The following NUP210L variants were observed in gnomAD, a reference collection of about 807,000 sequenced individuals.
NUP210L encodes the protein nuclear pore membrane glycoprotein 210-like.
In NUP210L, 74 loss-of-function variants were observed where a neutral mutation model predicts 208.5. That is an observed-to-expected ratio of 0.35 (90% CI 0.29 to 0.43). NUP210L has a LOEUF of 0.43. Among genes scored for constraint, NUP210L ranks in the 20% least tolerant of loss-of-function variants. The pLI is 1.00. For missense variants in NUP210L, 1,843 were observed against 2,289.4 expected, an observed-to-expected ratio of 0.81 and a Z score of 3.98; for synonymous variants, 780 against 816.9, an observed-to-expected ratio of 0.95 and a Z score of 0.77.
intron 25 of NUP210L, among the ~76,000 whole-genome samples, chr1:154,049,818 C>G (rs1653387199): frequency 6.6e-6 from 1 of 152,156 alleles, no homozygotes. Flanking sequence ...TCTTTACTAT[C>G]CCCTTAGCTT....
chr1:153,992,977 T>C, intron 39 of NUP210L, 38 bp downstream of exon 39: 1 of 1,608,884 alleles, frequency 6.2e-7, no homozygotes, highest in Non-Finnish European at 8.5e-7. Context: ...AACGTGTGTA[T>C]CTGAGCTTTT....
intron 16 of NUP210L, among the ~76,000 whole-genome samples, chr1:154,085,127 C>T (rs1655553518): frequency 6.8e-6 from 1 of 146,602 alleles, no homozygotes; most frequent in Admixed American, 6.7e-5. Context: ...GTGGGTGAAT[C>T]ATGAGATCAG....
chr1:154,140,043 A>G (rs1658759945), intron 4 of NUP210L, 91 bp from the exon 5 acceptor site: 1 of 1,002,458 alleles, frequency 1.0e-6, no homozygotes, highest in East Asian at 2.4e-5. Context: ...AGTTTCTTCA[A>G]TGTCTATAGA....
chr1:154,131,250 C>CTGG (rs1001508620), intron 7 of NUP210L, among the ~76,000 whole-genome samples: 2 of 140,464 alleles, frequency 1.4e-5, no homozygotes, highest in Admixed American at 1.5e-4. Context: ...CCAGCCCGGG[C>CTGG]AACAGAGCGA....
At chr1:154,113,819 C>T (rs1278878052) in intron 12 of NUP210L, among the ~76,000 whole-genome samples, 3 of 133,714 alleles carry the variant, frequency 2.2e-5, no homozygotes, top group Non-Finnish European at 3.1e-5. Context: ...GATCTGGCCA[C>T]GGCACTCCAG....
At chr1:154,114,630 G>C (rs1431183803) in intron 12 of NUP210L, among the ~76,000 whole-genome samples, 1 of 151,968 alleles carries the variant, frequency 6.6e-6, no homozygotes, top group Non-Finnish European at 1.5e-5. Context: ...TTTAAAGACA[G>C]GGTCTCACTC....
chr1:153,993,987 C>A (rs1649663554), intron 38 of NUP210L, among the ~76,000 whole-genome samples: 1 of 152,144 alleles, frequency 6.6e-6, no homozygotes, highest in South Asian at 2.1e-4. Flanking sequence ...CTCAAGAAAT[C>A]CTGCCTCAGC....
intron 35 of NUP210L, among the ~76,000 whole-genome samples, chr1:154,009,274 C>T (rs1650758529): frequency 6.6e-6 from 1 of 152,010 alleles, no homozygotes; most frequent in Non-Finnish European, 1.5e-5. Flanking sequence ...TAAAGTCATC[C>T]TAACATCATG....
At chr1:154,142,740 AT>A (rs1658916756) in intron 3 of NUP210L, among the ~76,000 whole-genome samples, 2 of 151,894 alleles carry the variant, frequency 1.3e-5, no homozygotes, top group Admixed American at 1.3e-4. Flanking sequence ...AAATACAAAC[AT>A]TAACGGGTGT....
chr1:153,999,988 G>C (rs1438492862), intron 37 of NUP210L, among the ~76,000 whole-genome samples: 2 of 151,370 alleles, frequency 1.3e-5, no homozygotes, highest in African/African-American at 4.8e-5. Context: ...CCATGCCCAG[G>C]TAATTTTTTT....
intron 12 of NUP210L, among the ~76,000 whole-genome samples, chr1:154,115,895 G>A (rs879781349): frequency 1.7e-4 from 26 of 152,010 alleles, no homozygotes; most frequent in Non-Finnish European, 3.2e-4. Context: ...GGGGTGGGCG[G>A]ATCACTTGAG....
chr1:154,018,786 G>T, intron 33 of NUP210L, 147 bp downstream of exon 33: 1 of 838,718 alleles, frequency 1.2e-6, no homozygotes, highest in Non-Finnish European at 1.8e-6. Flanking sequence ...ACACTGTTTA[G>T]CTTTGTGTTC....
At chr1:153,999,757 AGGTTT>A (rs1650100419) in intron 37 of NUP210L, among the ~76,000 whole-genome samples, 1 of 140,812 alleles carries the variant, frequency 7.1e-6, no homozygotes, top group African/African-American at 2.6e-5. Context: ...AAAAAAAAAA[AGGTTT>A]AAAATAGGGC....
At chr1:154,040,736 G>T (rs553744630) in intron 27 of NUP210L, among the ~76,000 whole-genome samples, 1 of 151,850 alleles carries the variant, frequency 6.6e-6, no homozygotes, top group South Asian at 2.1e-4. Flanking sequence ...ACAGGCGCCC[G>T]CCACCATTCC....
At chr1:154,148,940 G>T (rs1466517428) in intron 2 of NUP210L, among the ~76,000 whole-genome samples, 1 of 152,124 alleles carries the variant, frequency 6.6e-6, no homozygotes, top group Non-Finnish European at 1.5e-5. Flanking sequence ...TCTAGCACTT[G>T]TCAAATGAGA....
intron 35 of NUP210L, among the ~76,000 whole-genome samples, chr1:154,005,728 CTT>C (rs34116245): frequency 1.6e-5 from 2 of 125,912 alleles, no homozygotes; most frequent in African/African-American, 2.9e-5. Flanking sequence ...ATTTTTTTTT[CTT>C]TTTTTTTTTT....
intron 35 of NUP210L, among the ~76,000 whole-genome samples, chr1:154,003,009 CTT>C (rs34229994): frequency 1.3e-4 from 18 of 133,430 alleles, no homozygotes; most frequent in Admixed American, 2.3e-4. Flanking sequence ...CCTTAGCTGT[CTT>C]TTTTTTTTTT....
At chr1:154,110,870 C>T (rs1241345565) in intron 12 of NUP210L, among the ~76,000 whole-genome samples, 3 of 149,060 alleles carry the variant, frequency 2.0e-5, no homozygotes, top group Non-Finnish European at 4.5e-5. Flanking sequence ...AGAGCAAGAC[C>T]TTGCCTGAAA....
chr1:154,113,048 T>C (rs1350518090), intron 12 of NUP210L, among the ~76,000 whole-genome samples: 1 of 151,168 alleles, frequency 6.6e-6, no homozygotes, highest in Non-Finnish European at 1.5e-5. Context: ...TCTCAGCTAC[T>C]TGGGAGGCTG....
Sources: allele counts gnomAD v4.1 joint callset (sites outside exome capture counted in the v4.1 genomes callset), GRCh38; gene constraint gnomAD v4.1.1; transcripts MANE v1.5; gene names NCBI Gene and HGNC (gene_info 2026-07-23, HGNC 2026-07-21).